Variants in EDNRB observed in about 807,000 individuals in gnomAD.
EDNRB encodes endothelin receptor type B.
In EDNRB, 18 loss-of-function variants were observed where a neutral mutation model predicts 46.4. The ratio of observed to expected loss-of-function variants is 0.39; its 90% CI spans 0.27 to 0.57. The LOEUF (loss-of-function observed/expected upper bound fraction) is 0.57, where lower values mean the gene tolerates loss of function less well. Among genes scored for constraint, EDNRB ranks in the 20% least tolerant of loss-of-function variants. EDNRB has a pLI of 0.61. For synonymous variants in EDNRB, 213 were observed against 204.9 expected (o/e 1.04, Z -0.34); for missense variants, 434 against 537.5 (o/e 0.81, Z 1.90).
intron 1 of EDNRB, among the ~76,000 whole-genome samples, chr13:77,959,431 G>C (rs552613153): frequency 2.0e-4 from 30 of 152,302 alleles, no homozygotes; most frequent in African/African-American, 6.7e-4. Flanking sequence ...AGGCAAACAG[G>C]GTCGGGAGTG....
chr13:77,950,496 G>A (rs912475493), intron 1 of EDNRB, among the ~76,000 whole-genome samples: 1 of 152,226 alleles, frequency 6.6e-6, no homozygotes, highest in Admixed American at 6.5e-5. Context: ...GACAGAAGGA[G>A]GCTCTGCTCC....
At chr13:77,931,744 C>CAAA (rs67176737) in intron 1 of EDNRB, among the ~76,000 whole-genome samples, 3 of 83,444 alleles carry the variant, frequency 3.6e-5, no homozygotes, top group South Asian at 4.3e-4. Flanking sequence ...ACTGTAGTAG[C>CAAA]AAAAAAAAAA....
At chr13:77,925,825 C>A (rs1310458303) in intron 1 of EDNRB, among the ~76,000 whole-genome samples, 1 of 152,190 alleles carries the variant, frequency 6.6e-6, no homozygotes, top group Non-Finnish European at 1.5e-5. Context: ...ACATCTTGCA[C>A]CGTGCGCCTG....
chr13:77,925,936 C>T (rs1180421820), intron 1 of EDNRB, among the ~76,000 whole-genome samples: 1 of 152,240 alleles, frequency 6.6e-6, no homozygotes, highest in Non-Finnish European at 1.5e-5. Context: ...CCATGGGAAC[C>T]CACCTCTTGC....
chr13:77,903,172 T>C lies in EDNRB; in HGVS notation c.785A>G (p.Lys262Arg). 6.2e-7 allele frequency: 1 copy of C among 1,612,860 alleles called. No homozygotes were observed. The highest frequency in any genetic ancestry group is 1.1e-5 in the South Asian group (1 of 91,058). Residue 262 changes from lysine (K) to arginine (R), a missense_variant, in exon 3 of 7, where the codon AAG becomes AGG. Physicochemically the swap from Lys to Arg is conservative, Grantham distance 26 (BLOSUM62 2). Coordinates refer to ENST00000646607, the MANE Select transcript of EDNRB (RefSeq NM_001122659.3). ...GAAATTTACCTGCATGAAAGCTGTC[T>C]TCTGAACGGGATGAAGCAAGCAGAT... ...LRICLLHPVQKTAFMQFYKTA... is the reference protein window; with the variant it reads ...LRICLLHPVQRTAFMQFYKTA...
At chr13:77,953,629 A>G (rs562112154) in intron 1 of EDNRB, among the ~76,000 whole-genome samples, 7 of 152,298 alleles carry the variant, frequency 4.6e-5, no homozygotes, top group African/African-American at 1.4e-4. Context: ...GAGCAAATCA[A>G]TTTGCATACA....
chr13:77,962,184 C>T (rs141800515), intron 1 of EDNRB, among the ~76,000 whole-genome samples: 2,239 of 152,190 alleles, frequency 0.015, 45 homozygotes, highest in East Asian at 0.024. Flanking sequence ...GATTCACAGC[C>T]GAATTCTACC....
At chr13:77,967,593 T>C (rs1881617715) in intron 1 of EDNRB, among the ~76,000 whole-genome samples, 1 of 152,212 alleles carries the variant, frequency 6.6e-6, no homozygotes, top group African/African-American at 2.4e-5. Context: ...AAAGGGTAAC[T>C]CACTCTTAAC....
intron 4 of EDNRB, 122 bp from the exon 5 acceptor site, chr13:77,900,776 C>A (rs1878927679): frequency 7.2e-7 from 1 of 1,395,304 alleles, no homozygotes; most frequent in East Asian, 2.5e-5. Context: ...AAACTCAGGA[C>A]ACTGAGCTTT....
At chr13:77,963,104 C>T (rs571470007) in intron 1 of EDNRB, among the ~76,000 whole-genome samples, 1 of 152,266 alleles carries the variant, frequency 6.6e-6, no homozygotes, top group Admixed American at 6.5e-5. Flanking sequence ...CAAACCACTG[C>T]TCAACGAAAT....
At chr13:77,916,744 C>T (rs895757176) in intron 1 of EDNRB, among the ~76,000 whole-genome samples, 2 of 152,142 alleles carry the variant, frequency 1.3e-5, no homozygotes, top group Non-Finnish European at 2.9e-5. Flanking sequence ...TACTGAAGTA[C>T]TGAAGTCAGG....
At chr13:77,929,302 G>C (rs1367133943) in intron 1 of EDNRB, among the ~76,000 whole-genome samples, 1 of 152,116 alleles carries the variant, frequency 6.6e-6, no homozygotes, top group East Asian at 1.9e-4. Context: ...TAGGACATAG[G>C]GAGAAGAAGG....
intron 1 of EDNRB, among the ~76,000 whole-genome samples, chr13:77,972,981 TTTC>T (rs1300129650): frequency 6.6e-6 from 1 of 152,072 alleles, no homozygotes. Context: ...GGCTCGAGTT[TTTC>T]TTCTTTCCAC....
Position 77,918,090 on chromosome 13 carries a change from C to T in EDNRB, c.483+1G>A, listed in dbSNP as rs1304216438. The T allele has an allele frequency of 6.2e-7, 1 of 1,613,974 alleles. No homozygotes were observed. The highest frequency in any genetic ancestry group is 8.5e-7 in the Non-Finnish European group (1 of 1,180,032). On this transcript the variant is annotated splice_donor_variant, in intron 1 of 6. Transcript: ENST00000646607. LOFTEE classifies it high-confidence loss of function. The surrounding 1 kb of genome is among the most constrained non-coding windows in gnomAD (Gnocchi z 4.5). Reference sequence around the variant, plus strand: ...CCATGATTTCAGCAGGCGCCCTTTACCTTGTAGACATTGATAGGGATGTCA... The same window carrying T: ...CCATGATTTCAGCAGGCGCCCTTTATCTTGTAGACATTGATAGGGATGTCA...
In EDNRB at chr13:77,897,999, C is replaced by T. The variant is rs199906001; in HGVS notation, c.*201G>A. On this transcript the variant is annotated 3_prime_UTR_variant, in exon 7 of 7. Coordinates refer to ENST00000646607, the MANE Select transcript of EDNRB (RefSeq NM_001122659.3). ...CTTTCACGACGAGGCTTTCTTAATT[C>T]CCACTGATTTTCTTTCCATGCCGTA... 2.0e-5 allele frequency: 27 copies of T among 1,372,964 alleles called. No individual in the cohort carries two copies. The highest frequency in any genetic ancestry group is 8.0e-5 in the South Asian group (5 of 62,766). 85.0% of individuals were successfully genotyped at this position (1,372,964 alleles called of 1,614,324 possible).
intron 1 of EDNRB, among the ~76,000 whole-genome samples, chr13:77,912,473 C>G (rs1406591925): frequency 6.6e-6 from 1 of 152,088 alleles, no homozygotes; most frequent in South Asian, 2.1e-4. Flanking sequence ...CTGACTATGA[C>G]AATACTTTAA....
intron 1 of EDNRB, among the ~76,000 whole-genome samples, chr13:77,964,651 A>G (rs568297491): frequency 7.2e-5 from 11 of 152,306 alleles, no homozygotes; most frequent in African/African-American, 2.4e-4. Context: ...AGAAGGAGGG[A>G]TAGCATTAGG....
At chr13:77,923,867 A>G (rs1880158011), upstream of EDNRB, among the ~76,000 whole-genome samples, 1 of 151,992 alleles carries the variant, frequency 6.6e-6, no homozygotes, top group African/African-American at 2.4e-5. Context: ...TTCCCACAGC[A>G]GGCTTTTTTT....
intron 1 of EDNRB, among the ~76,000 whole-genome samples, chr13:77,927,862 G>A (rs1005426921): frequency 6.6e-6 from 1 of 152,146 alleles, no homozygotes; most frequent in South Asian, 2.1e-4. Context: ...AGAGGGACCT[G>A]GTGTGAGGTA....
Sources: gnomAD v4.1 joint callset for allele counts (sites outside exome capture counted in the v4.1 genomes callset) on GRCh38, gnomAD v4.1.1 for gene constraint, Gnocchi (gnomAD v3.1) non-coding constraint, MANE v1.5 for transcripts, NCBI Gene and HGNC (gene_info 2026-07-23, HGNC 2026-07-21) for gene names.